NUFIP2: variants seen among roughly 807,000 people sequenced by gnomAD.
The protein encoded by NUFIP2 is nuclear FMR1 interacting protein 2, also known as FMR1-interacting protein NUFIP2.
NUFIP2 carries 6 observed loss-of-function variants against 56.9 expected under a neutral mutation model. That is an observed-to-expected ratio of 0.11 (90% CI 0.06 to 0.21). NUFIP2 has a LOEUF of 0.21. Ranked by LOEUF, NUFIP2 falls within the 10% of genes least tolerant of loss-of-function variation. The pLI, the probability that NUFIP2 is intolerant of heterozygous loss-of-function variation, is 1.00. For synonymous variants in NUFIP2, 321 were observed against 298.2 expected, an observed-to-expected ratio of 1.08 and a Z score of -0.79; for missense variants, 828 against 826.8, an observed-to-expected ratio of 1.00 and a Z score of -0.02.
intron 2 of NUFIP2, among the ~76,000 whole-genome samples, chr17:29,282,547 C>CA (rs1332481060): frequency 0.046 from 5,448 of 118,342 alleles, 160 homozygotes; most frequent in African/African-American, 0.098. Context: ...GACCCCATCT[C>CA]AAAAAAAAAA....
chr17:29,264,582 C>T lies in NUFIP2; in HGVS notation c.2045G>A (p.Arg682Lys). The T allele has an allele frequency of 6.3e-7, 1 of 1,595,468 alleles. No homozygotes were observed. The highest frequency in any genetic ancestry group is 8.6e-7 in the Non-Finnish European group (1 of 1,163,796). Reference sequence around the variant, plus strand: ...CATGGCTTCATTGTAAGTGATTATCCTTTTGGGATCTAGAAAGGTTAAAAA... The same window carrying T: ...CATGGCTTCATTGTAAGTGATTATCTTTTTGGGATCTAGAAAGGTTAAAAA... ...IWNLQKQDPK[R>K]IITYNEAMDS... The change falls in exon 4 of 4, where the codon AGG (arginine) becomes AAG (lysine). Residue 682 changes from arginine (R) to lysine (K), a missense_variant. By Grantham distance (26) the Arg-to-Lys change is conservative (BLOSUM62 2). Transcript: ENST00000225388.
At chr17:29,290,019 A>G (rs1356615218) in intron 1 of NUFIP2, among the ~76,000 whole-genome samples, 2 of 152,034 alleles carry the variant, frequency 1.3e-5, no homozygotes, top group Non-Finnish European at 2.9e-5. Flanking sequence ...CGCCTCCCAG[A>G]TTCTCCTGAC....
chr17:29,272,086 G>GAGGGA (rs1488627048), intron 2 of NUFIP2, among the ~76,000 whole-genome samples: 1 of 120,418 alleles, frequency 8.3e-6, no homozygotes, highest in Non-Finnish European at 1.8e-5. Flanking sequence ...GAGGGGAGGG[G>GAGGGA]AGGGGAGGGG....
In NUFIP2 at chr17:29,294,106, G is replaced by A. The variant is rs768187906; in HGVS notation, c.-47C>T. On this transcript the variant is annotated 5_prime_UTR_variant, in exon 1 of 4. In the 5' UTR this introduces an upstream ATG that the reference lacks. Coordinates refer to ENST00000225388, the MANE Select transcript of NUFIP2 (RefSeq NM_020772.3). Reference sequence around the variant, plus strand: ...GGCTGAGGCTGCGGGCTGCTGCACCGTCAGGATCTGAGACTGCTTCTCAGG... The same window carrying A: ...GGCTGAGGCTGCGGGCTGCTGCACCATCAGGATCTGAGACTGCTTCTCAGG... 5 of 1,552,392 alleles carry A rather than the reference G, an allele frequency of 3.2e-6. No individual in the cohort carries two copies. The highest frequency in any genetic ancestry group is 2.4e-5 in the South Asian group (2 of 81,948).
rs1026509828 is a variant in NUFIP2 at position 29,257,123 on chromosome 17, CCT to C, written c.*7414_*7415del. The C allele has an allele frequency of 2.0e-5, 3 of 152,052 alleles. No homozygotes were observed. Among genetic ancestry groups the C allele is most frequent in the Non-Finnish European group, 2.9e-5 (2 of 67,986 alleles). 9.4% of individuals were successfully genotyped at this position (152,052 alleles called of 1,614,324 possible). On this transcript the variant is annotated 3_prime_UTR_variant, in exon 4 of 4. Transcript: ENST00000225388. ...TGATTTGTAAAGCTGATAAAACTGC[CCT>C]GTTTCAAGAAAAGCTCTTTAATAGA...
At position 29,286,271 on chromosome 17, in the gene NUFIP2, C is replaced by A; in HGVS notation, c.1723G>T (p.Val575Phe). 1 of 1,614,202 alleles carries A rather than the reference C, an allele frequency of 6.2e-7. No homozygotes were observed. Among genetic ancestry groups the A allele is most frequent in the Non-Finnish European group, 8.5e-7 (1 of 1,180,036 alleles). Residue 575 changes from valine (V) to phenylalanine (F), a missense_variant, in exon 2 of 4, where the codon GTT (valine) becomes TTT (phenylalanine). Coordinates refer to ENST00000225388, the MANE Select transcript of NUFIP2 (RefSeq NM_020772.3). ...YELEKRTSPQ[V>F]LGSILKSGTT... ...CCAGATTTTAGAATGCTACCCAGAA[C>A]TTGAGGACTAGTCCGTTTCTCCAGC...
rs10550408 is a variant in NUFIP2 at position 29,259,589 on chromosome 17, TGG to T, written c.*4948_*4949del. ...ACAGTCCGTCTCAAAAAAAAAAAGG[TGG>T]GGGGGGGGGGGATACTGCAGTATTA... On this transcript the variant is annotated 3_prime_UTR_variant, in exon 4 of 4. Coordinates refer to ENST00000225388, the MANE Select transcript of NUFIP2 (RefSeq NM_020772.3). 32,686 of 107,278 alleles carry T rather than the reference TGG, an allele frequency of 0.3. 4,825 individuals are homozygous for T. The highest frequency in any genetic ancestry group is 0.44 in the South Asian group (1,417 of 3,198). 6.6% of individuals were successfully genotyped at this position (107,278 alleles called of 1,614,324 possible).
chr17:29,272,483 G>A (rs886957689), intron 2 of NUFIP2, among the ~76,000 whole-genome samples: 1 of 152,066 alleles, frequency 6.6e-6, no homozygotes, highest in African/African-American at 2.4e-5. Context: ...CTTGTGATCT[G>A]CCCGCCCTGG....
At chr17:29,292,779 C>G (rs1213146816) in intron 1 of NUFIP2, among the ~76,000 whole-genome samples, 1 of 149,464 alleles carries the variant, frequency 6.7e-6, no homozygotes, top group Non-Finnish European at 1.5e-5. Context: ...CCGCTCCCCT[C>G]GTGGCCGCTT....
At chr17:29,275,243 C>A (rs575760332) in intron 2 of NUFIP2, among the ~76,000 whole-genome samples, 1 of 152,086 alleles carries the variant, frequency 6.6e-6, no homozygotes, top group East Asian at 1.9e-4. Flanking sequence ...AGGCTGGTCT[C>A]GAACTCCTGA....
At position 29,286,039 on chromosome 17, in the gene NUFIP2, C is replaced by A; in HGVS notation, c.1955G>T (p.Ser652Ile). The change falls in exon 2 of 4, where the codon AGC becomes ATC. Residue 652 changes from serine to isoleucine, a missense_variant. Ser to Ile is a moderately radical substitution (Grantham distance 142, BLOSUM62 -2). Transcript: ENST00000225388. ...RYQRGLERNDSWGSFDLRAAI... is the reference protein window; with the variant it reads ...RYQRGLERNDIWGSFDLRAAI... Reference sequence around the variant, plus strand: ...AGCCCTCAGGTCAAAAGAACCCCAGCTATCATTCCTTTCTAGGCCTCTCTG... The same window carrying A: ...AGCCCTCAGGTCAAAAGAACCCCAGATATCATTCCTTTCTAGGCCTCTCTG... 6.2e-7 allele frequency: 1 copy of A among 1,614,068 alleles called. No homozygotes were observed. Among genetic ancestry groups the A allele is most frequent in the Non-Finnish European group, 8.5e-7 (1 of 1,179,944 alleles).
At chr17:29,270,850 C>A (rs938679448) in intron 2 of NUFIP2, among the ~76,000 whole-genome samples, 4 of 152,156 alleles carry the variant, frequency 2.6e-5, no homozygotes, top group Middle Eastern at 6.8e-3. Flanking sequence ...AAAAGTTAAT[C>A]CAACTTTTCA....
intron 1 of NUFIP2, among the ~76,000 whole-genome samples, chr17:29,289,395 C>T (rs920422207): frequency 2.0e-5 from 3 of 152,104 alleles, no homozygotes; most frequent in African/African-American, 4.8e-5. Context: ...GAGTTCAGGA[C>T]CAGCCTGACC....
At position 29,262,106 on chromosome 17, in the gene NUFIP2, GTTTGTTT is replaced by G. The variant is rs1243720806; in HGVS notation, c.*2426_*2432del. 6.6e-6 allele frequency: 1 copy of G among 152,254 alleles called. No homozygotes were observed. Among genetic ancestry groups the G allele is most frequent in the South Asian group, 2.1e-4 (1 of 4,830 alleles). 9.4% of individuals were successfully genotyped at this position (152,254 alleles called of 1,614,324 possible). A position where few individuals can be genotyped will look rare whatever the true frequency, so the allele number is the denominator to read the frequency against. The stretch of plus-strand genomic sequence containing the variant: ...AAAGCCCAATTCAGGTGGGGTCTGG[GTTTGTTT>G]TTTGTTTTTTCCTTTTCAAATATAT... On this transcript the variant is annotated 3_prime_UTR_variant, in exon 4 of 4. Coordinates refer to ENST00000225388, the MANE Select transcript of NUFIP2 (RefSeq NM_020772.3).
In NUFIP2 at chr17:29,293,072, C is replaced by T. The variant is rs529591358; in HGVS notation, c.277+711G>A. Among the ~76,000 whole-genome samples the T allele has an allele frequency of 7.4e-4, 112 of 151,658 alleles. 1 individual carries two copies. Among genetic ancestry groups the T allele is most frequent in the South Asian group, 2.3e-3 (11 of 4,806 alleles). ...GGCTTCCAACATGGCGGACAGGAAG[C>T]GGCCCCGCGAGGAGGAGAGAACATT... is the stretch of plus-strand genomic sequence containing the variant. On this transcript the variant is annotated intron_variant, in intron 1 of 3. Coordinates refer to ENST00000225388, the MANE Select transcript of NUFIP2 (RefSeq NM_020772.3).
chr17:29,294,003 C>T lies in NUFIP2; in HGVS notation c.57G>A (p.Pro19=), dbSNP rs1303784403. The T allele has an allele frequency of 1.9e-6, 3 of 1,612,590 alleles. No homozygotes were observed. Among genetic ancestry groups the T allele is most frequent in the East Asian group, 2.2e-5 (1 of 44,860 alleles). ...GCTGCTGCTGCTGAGGGTGATGGTG[C>T]GGATGGTGGTGGCTGTGATGGTGCT... ...QPQHHHSHHH[P]HHHPQQQQQQ... is the part of the protein sequence containing the mutation. The change falls in exon 1 of 4, where the codon CCG becomes CCA. Residue 19 remains proline, a synonymous_variant. Coordinates refer to ENST00000225388, the MANE Select transcript of NUFIP2 (RefSeq NM_020772.3).
rs748997919 is a variant in NUFIP2, at chr17:29,287,019, T to G, written c.975A>C (p.Ser325=). ...FDDRPKGKHA[S]AVASKEDSWT... is the part of the protein sequence containing the mutation. ...ACGAGTCCTCTTTGGAGGCAACAGC[T>G]GAAGCATGCTTTCCTTTGGGCCGAT... The change falls in exon 2 of 4, where the codon TCA becomes TCC. Residue 325 remains serine (S), a synonymous_variant. Transcript: ENST00000225388. The G allele has an allele frequency of 1.9e-6, 3 of 1,614,110 alleles. No individual in the cohort carries two copies. In the African/African-American group the frequency reaches 4.0e-5, roughly 22 times the overall value.
intron 1 of NUFIP2, among the ~76,000 whole-genome samples, chr17:29,289,412 G>A (rs1234454121): frequency 6.6e-6 from 1 of 152,112 alleles, no homozygotes; most frequent in Admixed American, 6.5e-5. Flanking sequence ...GACCAACATG[G>A]TGAAACCCCG....
rs370670192 is a variant in NUFIP2 at position 29,286,433 on chromosome 17, T to C, written c.1561A>G (p.Thr521Ala). 12 of 1,613,932 alleles carry C rather than the reference T, an allele frequency of 7.4e-6. No homozygotes were observed. The African/African-American group carries it at 1.5e-4, about 20-fold the overall frequency. The change falls in exon 2 of 4, where the codon ACT becomes GCT. Residue 521 changes from threonine (T) to alanine (A), a missense_variant. Thr to Ala is a moderately conservative substitution (Grantham distance 58). This residue lies in a region of NUFIP2 where 404 missense variants were observed against 380.3 expected (regional missense o/e 1.06). Coordinates refer to ENST00000225388, the MANE Select transcript of NUFIP2 (RefSeq NM_020772.3). ...TGCTCTGATGACTTCCCAGTAACAG[T>C]CTCAGGGCCAGCACTGGGCTCATTT... ...FINEPSAGPE[T>A]VTGKSSEHKV...
Sources: allele counts gnomAD v4.1 joint callset (sites outside exome capture counted in the v4.1 genomes callset), GRCh38; gene constraint gnomAD v4.1.1; regional missense constraint gnomAD v4.1.1; transcripts MANE v1.5; gene names NCBI Gene and HGNC (gene_info 2026-07-23, HGNC 2026-07-21).